KCNIP3: variants seen among roughly 807,000 people sequenced by gnomAD.
The protein encoded by KCNIP3 is calsenilin.
A neutral mutation model predicts 35.0 loss-of-function variants in KCNIP3; 28 were observed. The ratio of observed to expected loss-of-function variants is 0.80; its 90% CI spans 0.59 to 1.10. The LOEUF is 1.10. Among genes scored for constraint, KCNIP3 ranks in the 50% least tolerant of loss-of-function variants. The pLI is 0.00. For missense variants in KCNIP3, 295 were observed against 338.4 expected (o/e 0.87, Z 1.01); for synonymous variants, 134 against 133.8 (o/e 1.00, Z -0.01).
At chr2:95,326,265 CACAT>C (rs1418003642) in intron 2 of KCNIP3, among the ~76,000 whole-genome samples, 34 of 151,918 alleles carry the variant, frequency 2.2e-4, no homozygotes, top group African/African-American at 7.2e-4. Flanking sequence ...CATACACTCA[CACAT>C]ACACTCACTA....
chr2:95,324,661 C>T (rs1404560837), intron 2 of KCNIP3, among the ~76,000 whole-genome samples: 2 of 151,886 alleles, frequency 1.3e-5, no homozygotes, highest in Admixed American at 6.6e-5. Context: ...GCCTGTAATC[C>T]CAGCACTTTG....
intron 2 of KCNIP3, among the ~76,000 whole-genome samples, chr2:95,329,143 G>A (rs1409416162): frequency 6.6e-6 from 1 of 152,210 alleles, no homozygotes; most frequent in Non-Finnish European, 1.5e-5. Flanking sequence ...TTACTTCGAG[G>A]ATTAAATAGA....
At chr2:95,352,336 G>A (rs1679547713) in intron 2 of KCNIP3, among the ~76,000 whole-genome samples, 1 of 152,136 alleles carries the variant, frequency 6.6e-6, no homozygotes, top group Non-Finnish European at 1.5e-5. Context: ...TTGTTAGCAG[G>A]TCAGGGAGAA....
intron 2 of KCNIP3, among the ~76,000 whole-genome samples, chr2:95,317,663 GAGACAGAGAC>G (rs1678492695): frequency 6.6e-6 from 1 of 152,204 alleles, no homozygotes; most frequent in Non-Finnish European, 1.5e-5. Flanking sequence ...CTGCTTTTGA[GAGACAGAGAC>G]AGACAGACAG....
intron 2 of KCNIP3, among the ~76,000 whole-genome samples, chr2:95,351,815 A>G (rs1458725578): frequency 1.3e-5 from 2 of 152,276 alleles, no homozygotes; most frequent in East Asian, 3.9e-4. Context: ...CCCTGTCTCT[A>G]CAAAACAAAA....
chr2:95,318,211 G>A (rs1475187006), intron 2 of KCNIP3, among the ~76,000 whole-genome samples: 1 of 152,126 alleles, frequency 6.6e-6, no homozygotes, highest in Non-Finnish European at 1.5e-5. Flanking sequence ...ATGGGGAGCC[G>A]CTGGCTTCTC....
chr2:95,343,114 C>G (rs1485157276), intron 2 of KCNIP3, among the ~76,000 whole-genome samples: 1 of 151,842 alleles, frequency 6.6e-6, no homozygotes, highest in African/African-American at 2.4e-5. Context: ...TGTGGCTGGG[C>G]TGGTGGCAGT....
At chr2:95,319,639 G>A (rs142368585) in intron 2 of KCNIP3, among the ~76,000 whole-genome samples, 2 of 152,274 alleles carry the variant, frequency 1.3e-5, no homozygotes, top group East Asian at 1.9e-4. Context: ...TCCCTGGAGG[G>A]GCTAGAGCGA....
rs1407426394 is a variant in KCNIP3 at position 95,383,299 on chromosome 2, G to A, written c.723+5G>A. 1 of 1,613,434 alleles carries A rather than the reference G, an allele frequency of 6.2e-7. No individual in the cohort carries two copies. The highest frequency in any genetic ancestry group is 8.5e-7 in the Non-Finnish European group (1 of 1,179,706). ...TTCCTGGAGGCCTGTCAGAAGGTAG[G>A]TGGCACGGGAGGCTGGGCCACAGTT... On this transcript the variant is annotated splice_donor_5th_base_variant and intron_variant, in intron 8 of 8. Coordinates refer to ENST00000295225, the MANE Select transcript of KCNIP3 (RefSeq NM_013434.5).
intron 1 of KCNIP3, among the ~76,000 whole-genome samples, chr2:95,303,953 G>A (rs915714975): frequency 6.6e-6 from 1 of 152,152 alleles, no homozygotes; most frequent in Non-Finnish European, 1.5e-5. Context: ...ATTTCAACCT[G>A]CAATTGATAT....
chr2:95,353,207 A>G (rs1679571115), intron 2 of KCNIP3, among the ~76,000 whole-genome samples: 1 of 152,194 alleles, frequency 6.6e-6, no homozygotes, highest in Admixed American at 6.5e-5. Flanking sequence ...TACAGGAGGC[A>G]AGGCCCTGGG....
intron 2 of KCNIP3, among the ~76,000 whole-genome samples, chr2:95,357,834 C>T (rs770843413): frequency 8.5e-5 from 13 of 152,224 alleles, no homozygotes; most frequent in Non-Finnish European, 1.3e-4. Flanking sequence ...TTGCTGGCCT[C>T]GCCTTGCTGT....
chr2:95,304,895 G>A (rs1573477715), intron 1 of KCNIP3, among the ~76,000 whole-genome samples: 1 of 152,006 alleles, frequency 6.6e-6, no homozygotes, highest in African/African-American at 2.4e-5. Context: ...ACAGATCTCG[G>A]CCACCAGGTG....
intron 2 of KCNIP3, among the ~76,000 whole-genome samples, chr2:95,366,382 G>A (rs566381909): frequency 2.6e-5 from 4 of 152,098 alleles, no homozygotes; most frequent in African/African-American, 4.8e-5. Flanking sequence ...AGTTTGTTCC[G>A]TATTGTTGCT....
intron 2 of KCNIP3, among the ~76,000 whole-genome samples, chr2:95,344,412 TC>T (rs769519054): frequency 3.3e-5 from 5 of 152,200 alleles, no homozygotes; most frequent in Non-Finnish European, 7.4e-5. Context: ...CAGCTCCCCA[TC>T]CATTAGGCCC....
chr2:95,337,554 C>T (rs373664581), intron 2 of KCNIP3, among the ~76,000 whole-genome samples: 1 of 152,192 alleles, frequency 6.6e-6, no homozygotes. Context: ...GGCTATAGCC[C>T]TTATTGAGTA....
intron 2 of KCNIP3, among the ~76,000 whole-genome samples, chr2:95,323,656 T>G (rs1678651646): frequency 6.6e-6 from 1 of 152,124 alleles, no homozygotes; most frequent in African/African-American, 2.4e-5. Context: ...CGTCACAACT[T>G]TGGGGCTTAA....
intron 1 of KCNIP3, among the ~76,000 whole-genome samples, chr2:95,300,444 C>T (rs1677994666): frequency 6.6e-6 from 1 of 152,196 alleles, no homozygotes; most frequent in African/African-American, 2.4e-5. Context: ...CAGTGACTTC[C>T]AGGAGCAGCC....
chr2:95,322,676 G>T (rs1678626154), intron 2 of KCNIP3, among the ~76,000 whole-genome samples: 1 of 152,206 alleles, frequency 6.6e-6, no homozygotes, highest in Non-Finnish European at 1.5e-5. Context: ...AGTGAAGGCT[G>T]GAGAGAAGGA....
Sources: gnomAD v4.1 joint callset for allele counts (sites outside exome capture counted in the v4.1 genomes callset) on GRCh38, gnomAD v4.1.1 for gene constraint, MANE v1.5 for transcripts, NCBI Gene and HGNC (gene_info 2026-07-23, HGNC 2026-07-21) for gene names.